FSTL5: variants seen among roughly 807,000 people sequenced by gnomAD.
The protein encoded by FSTL5 is follistatin like 5, also known as follistatin-related protein 5.
FSTL5 carries 62 observed loss-of-function variants against 89.1 expected under a neutral mutation model. The observed-to-expected ratio is 0.70, with a 90% CI of 0.57 to 0.86. FSTL5 has a LOEUF of 0.86. FSTL5 is among the 40% of genes least tolerant of loss of function. The pLI is 0.00. For synonymous variants in FSTL5, 383 were observed against 346.2 expected, an observed-to-expected ratio of 1.11 and a Z score of -1.18; for missense variants, 1,057 against 1,001.6, an observed-to-expected ratio of 1.06 and a Z score of -0.75.
intron 6 of FSTL5, among the ~76,000 whole-genome samples, chr4:161,669,419 A>C (rs1384219267): frequency 6.6e-6 from 1 of 152,158 alleles, no homozygotes. Context: ...TAATCAAGGC[A>C]GTGTGGCACT....
chr4:161,759,794 A>G (rs1390089604), intron 5 of FSTL5, among the ~76,000 whole-genome samples: 2 of 152,098 alleles, frequency 1.3e-5, no homozygotes, highest in African/African-American at 4.8e-5. Context: ...AACTCAACAA[A>G]TCTGAACATT....
rs1578907710 is a variant in FSTL5, at chr4:161,536,695, T to A, written c.1312+1471A>T. Among the ~76,000 whole-genome samples, 4 of 152,294 alleles carry A rather than the reference T, an allele frequency of 2.6e-5. No homozygotes were observed. The East Asian group carries it at 7.7e-4, about 29-fold the overall frequency. ...ACCTTCTCCTAAAATTTTCCTAGAA[T>A]TCACACACTAAAAGGTTGTATGATT... On this transcript the variant is annotated intron_variant, in intron 10 of 15. Coordinates refer to ENST00000306100, the MANE Select transcript of FSTL5 (RefSeq NM_020116.5).
chr4:162,158,471 G>A (rs1299672456), intron 1 of FSTL5, among the ~76,000 whole-genome samples: 2 of 152,068 alleles, frequency 1.3e-5, no homozygotes, highest in East Asian at 3.8e-4. Flanking sequence ...TTAAGGAATA[G>A]TCTTGGGGAA....
At chr4:161,504,974 CA>C (rs1730426630) in intron 11 of FSTL5, among the ~76,000 whole-genome samples, 1 of 151,918 alleles carries the variant, frequency 6.6e-6, no homozygotes, top group African/African-American at 2.4e-5. Flanking sequence ...ACTTAATTGT[CA>C]TTAGTTTTGC....
chr4:161,582,872 C>T (rs566803166), intron 8 of FSTL5, among the ~76,000 whole-genome samples: 122 of 152,100 alleles, frequency 8.0e-4, no homozygotes, highest in Admixed American at 3.3e-3. Flanking sequence ...ATCACTGGTG[C>T]TTTCATTAAA....
chr4:161,823,542 G>A (rs1249547740), intron 4 of FSTL5, among the ~76,000 whole-genome samples: 1 of 152,214 alleles, frequency 6.6e-6, no homozygotes. Context: ...ACCAGATCTT[G>A]GGAGCAGGGA....
At chr4:161,431,916 A>G (rs925406606) in intron 15 of FSTL5, among the ~76,000 whole-genome samples, 10 of 152,262 alleles carry the variant, frequency 6.6e-5, no homozygotes, top group African/African-American at 2.2e-4. Flanking sequence ...AGAGCATTTA[A>G]TAATTGTAAA....
At chr4:162,146,471 G>A (rs1732989755) in intron 1 of FSTL5, among the ~76,000 whole-genome samples, 1 of 151,888 alleles carries the variant, frequency 6.6e-6, no homozygotes, top group Non-Finnish European at 1.5e-5. Context: ...ATAGGCTTTA[G>A]ATTTACAGAA....
rs565192198 is a variant in FSTL5 at position 161,911,268 on chromosome 4, C to CTA, written c.409+9134_409+9135dup. On this transcript the variant is annotated intron_variant, in intron 4 of 15. Transcript: ENST00000306100. ...TCTCTTTTCTCTATAAATTATTATT[C>CTA]TATATATATATAATTCTGAGGAAAT... Among the ~76,000 whole-genome samples the CTA allele has an allele frequency of 1.7e-3, 259 of 151,684 alleles. 1 individual carries two copies. Among genetic ancestry groups the CTA allele is most frequent in the Non-Finnish European group, 2.8e-3 (189 of 67,866 alleles).
At chr4:161,869,119 G>C (rs902243537) in intron 4 of FSTL5, among the ~76,000 whole-genome samples, 1 of 152,078 alleles carries the variant, frequency 6.6e-6, no homozygotes, top group Non-Finnish European at 1.5e-5. Context: ...AGAATGGCTT[G>C]AACCCAAGAG....
intron 6 of FSTL5, among the ~76,000 whole-genome samples, chr4:161,726,227 CTTTTTTTTTTT>C: frequency 8.8e-6 from 1 of 113,668 alleles, no homozygotes; most frequent in Middle Eastern, 6.5e-3. Context: ...TTTTCTTTTT[CTTTTTTTTTTT>C]TTTTTTGAGA....
rs554967394 is a variant in FSTL5 at position 161,422,728 on chromosome 4, T to C, written c.1841+32276A>G. ...GACACCTAAGTACTACTCTTCAAAA[T>C]ACCCTAGGGAGTTTGCTTTATTTTT... On this transcript the variant is annotated intron_variant, in intron 15 of 15. Transcript: ENST00000306100. Among the ~76,000 whole-genome samples, 9 of 151,010 alleles carry C rather than the reference T, an allele frequency of 6.0e-5. No individual in the cohort carries two copies. In the South Asian group the frequency reaches 1.9e-3, roughly 31 times the overall value.
intron 6 of FSTL5, 72 bp downstream of exon 6, chr4:161,759,336 AAGC>A (rs1263807021): frequency 8.8e-6 from 12 of 1,369,768 alleles, no homozygotes; most frequent in Non-Finnish European, 1.2e-5. Flanking sequence ...CTATGAGAGC[AAGC>A]AAATAGACCA....
intron 1 of FSTL5, among the ~76,000 whole-genome samples, chr4:162,156,745 T>C (rs1003517437): frequency 2.0e-5 from 3 of 151,392 alleles, no homozygotes; most frequent in Non-Finnish European, 4.4e-5. Flanking sequence ...TCTACAAGAG[T>C]GGAGAGGCGG....
chr4:161,559,994 G>A (rs1246820121), intron 8 of FSTL5, among the ~76,000 whole-genome samples: 2 of 151,778 alleles, frequency 1.3e-5, no homozygotes, highest in Non-Finnish European at 2.9e-5. Flanking sequence ...AGCTTTCAAT[G>A]CAGCCCAACA....
At chr4:161,768,104 G>T (rs905935533) in intron 5 of FSTL5, among the ~76,000 whole-genome samples, 2 of 152,068 alleles carry the variant, frequency 1.3e-5, no homozygotes, top group Non-Finnish European at 2.9e-5. Context: ...ATACACACTT[G>T]AGGAAATTGA....
At chr4:161,975,441 A>G (rs1011142286) in intron 3 of FSTL5, among the ~76,000 whole-genome samples, 13 of 151,498 alleles carry the variant, frequency 8.6e-5, no homozygotes, top group Non-Finnish European at 1.8e-4. Context: ...TGATGAGTTC[A>G]TGTCCTTTGT....
intron 6 of FSTL5, among the ~76,000 whole-genome samples, chr4:161,735,210 T>A (rs1356977810): frequency 6.6e-6 from 1 of 152,148 alleles, no homozygotes; most frequent in Non-Finnish European, 1.5e-5. Context: ...TAGAGGATAT[T>A]ACAAAGTATG....
rs1740281265 is a variant in FSTL5, at chr4:161,748,568, G to A, written c.727+10843C>T. Among the ~76,000 whole-genome samples, 7 of 140,072 alleles carry A rather than the reference G, an allele frequency of 5.0e-5. 2 individuals are homozygous for A. The Admixed American group carries it at 5.0e-4, about 10-fold the overall frequency. The allele number at this position is 140,072 out of a possible 152,430, so 91.9% of individuals were successfully genotyped here. On this transcript the variant is annotated intron_variant, in intron 6 of 15. Coordinates refer to ENST00000306100, the MANE Select transcript of FSTL5 (RefSeq NM_020116.5). Reference sequence around the variant, plus strand: ...ACAAGCTCCCTAAAGCTGTTTCACTGTTAATTGCTGGACTGAAATAATGCA... The same window carrying A: ...ACAAGCTCCCTAAAGCTGTTTCACTATTAATTGCTGGACTGAAATAATGCA...
Sources: allele counts gnomAD v4.1 joint callset (sites outside exome capture counted in the v4.1 genomes callset), GRCh38; gene constraint gnomAD v4.1.1; transcripts MANE v1.5; gene names NCBI Gene and HGNC (gene_info 2026-07-23, HGNC 2026-07-21).